CNTNAP5: variants seen among roughly 807,000 people sequenced by gnomAD.
The protein encoded by CNTNAP5 is contactin associated protein family member 5.
CNTNAP5 carries 72 observed loss-of-function variants against 150.2 expected under a neutral mutation model. The ratio of observed to expected loss-of-function variants is 0.48; its 90% CI spans 0.40 to 0.58. The LOEUF is 0.58. CNTNAP5 is among the 20% of genes least tolerant of loss of function. CNTNAP5 has a pLI of 0.00. For missense variants in CNTNAP5, 1,636 were observed against 1,626.2 expected (o/e 1.01, Z -0.10); for synonymous variants, 672 against 619.8 (o/e 1.08, Z -1.25).
intron 1 of CNTNAP5, among the ~76,000 whole-genome samples, chr2:124,031,611 C>T (rs1049086264): frequency 6.6e-6 from 1 of 152,090 alleles, no homozygotes; most frequent in African/African-American, 2.4e-5. Flanking sequence ...ATTTATGTAT[C>T]ACATGGCCAT....
chr2:124,662,190 G>A (rs1245703976), intron 13 of CNTNAP5, among the ~76,000 whole-genome samples: 1 of 152,078 alleles, frequency 6.6e-6, no homozygotes, highest in Admixed American at 6.6e-5. Flanking sequence ...AGAATTATAT[G>A]GTATATATGT....
intron 11 of CNTNAP5, among the ~76,000 whole-genome samples, chr2:124,567,495 G>C (rs1696050523): frequency 6.6e-6 from 1 of 152,152 alleles, no homozygotes; most frequent in African/African-American, 2.4e-5. Context: ...AGTGCCATTG[G>C]AGACTATTAT....
intron 8 of CNTNAP5, among the ~76,000 whole-genome samples, chr2:124,513,219 G>A (rs1694633850): frequency 6.6e-6 from 1 of 152,204 alleles, no homozygotes; most frequent in African/African-American, 2.4e-5. Flanking sequence ...TTTGCTTGCA[G>A]ATGGTTGTCT....
intron 10 of CNTNAP5, among the ~76,000 whole-genome samples, chr2:124,559,228 T>C (rs943118889): frequency 1.3e-5 from 2 of 152,238 alleles, no homozygotes; most frequent in Non-Finnish European, 2.9e-5. Context: ...AATTTTTTAT[T>C]TGGATAAACA....
intron 22 of CNTNAP5, among the ~76,000 whole-genome samples, chr2:124,910,158 A>G (rs181083389): frequency 6.6e-6 from 1 of 152,036 alleles, no homozygotes; most frequent in African/African-American, 2.4e-5. Flanking sequence ...TGAAGACACA[A>G]TAAATACTTA....
intron 1 of CNTNAP5, among the ~76,000 whole-genome samples, chr2:124,092,513 T>C (rs1682838138): frequency 6.6e-6 from 1 of 152,184 alleles, no homozygotes; most frequent in Non-Finnish European, 1.5e-5. Context: ...CCTTTCAATG[T>C]ATAGATGAGG....
chr2:124,810,820 A>G (rs1264914980), intron 19 of CNTNAP5, among the ~76,000 whole-genome samples: 1 of 152,074 alleles, frequency 6.6e-6, no homozygotes, highest in Non-Finnish European at 1.5e-5. Context: ...TTAACAATAC[A>G]CAGAGACATT....
intron 19 of CNTNAP5, among the ~76,000 whole-genome samples, chr2:124,823,258 C>A (rs1396832061): frequency 6.6e-6 from 1 of 152,100 alleles, no homozygotes; most frequent in Non-Finnish European, 1.5e-5. Flanking sequence ...CCTAAGACAC[C>A]AGATCTAGTG....
At chr2:124,479,747 G>A (rs183482729) in intron 7 of CNTNAP5, among the ~76,000 whole-genome samples, 37 of 152,262 alleles carry the variant, frequency 2.4e-4, no homozygotes, top group African/African-American at 7.9e-4. Context: ...TCTCACTTCA[G>A]TGTTCCTGGA....
chr2:124,788,845 C>A (rs747496349), intron 17 of CNTNAP5, among the ~76,000 whole-genome samples: 1 of 152,044 alleles, frequency 6.6e-6, no homozygotes, highest in African/African-American at 2.4e-5. Context: ...GTTGGCCAGG[C>A]GGGTCTTGAA....
intron 8 of CNTNAP5, among the ~76,000 whole-genome samples, chr2:124,518,241 T>C (rs1694775436): frequency 6.6e-6 from 1 of 151,212 alleles, no homozygotes; most frequent in Admixed American, 6.6e-5. Context: ...GGAGATCTCA[T>C]TATCAAAAGC....
chr2:124,346,687 T>C (rs1382438896), intron 3 of CNTNAP5, among the ~76,000 whole-genome samples: 1 of 152,080 alleles, frequency 6.6e-6, no homozygotes, highest in Non-Finnish European at 1.5e-5. Context: ...TAGCTAAAAA[T>C]ATGTTTATTA....
intron 5 of CNTNAP5, among the ~76,000 whole-genome samples, chr2:124,439,042 CAAAT>C (rs138215701): frequency 6.6e-6 from 1 of 152,066 alleles, no homozygotes; most frequent in East Asian, 1.9e-4. Flanking sequence ...TTTTATAAAA[CAAAT>C]AATAAAAATT....
At chr2:124,345,974 T>C (rs1373879348) in intron 3 of CNTNAP5, among the ~76,000 whole-genome samples, 2 of 152,192 alleles carry the variant, frequency 1.3e-5, no homozygotes, top group Non-Finnish European at 2.9e-5. Flanking sequence ...AACATGTGAA[T>C]CTAATGCTGT....
At chr2:124,868,477 A>G (rs1233614034) in intron 20 of CNTNAP5, among the ~76,000 whole-genome samples, 1 of 152,082 alleles carries the variant, frequency 6.6e-6, no homozygotes, top group Admixed American at 6.6e-5. Flanking sequence ...TTCCTTCTGC[A>G]CTCAAATGAT....
chr2:124,330,735 C>T (rs948951953), intron 3 of CNTNAP5, among the ~76,000 whole-genome samples: 3 of 151,652 alleles, frequency 2.0e-5, no homozygotes, highest in Non-Finnish European at 4.4e-5. Context: ...TGAGAACAGA[C>T]CAATACAAAT....
At chr2:124,201,390 TACAGAA>T (rs1558798715) in intron 1 of CNTNAP5, among the ~76,000 whole-genome samples, 1 of 152,230 alleles carries the variant, frequency 6.6e-6, no homozygotes, top group African/African-American at 2.4e-5. Context: ...AAGCAGCAGT[TACAGAA>T]TCTTTACAAT....
At chr2:124,568,998 A>G (rs1247058163) in intron 11 of CNTNAP5, among the ~76,000 whole-genome samples, 1 of 152,220 alleles carries the variant, frequency 6.6e-6, no homozygotes, top group African/African-American at 2.4e-5. Context: ...CAGTGAGCCA[A>G]GATCGCGCCA....
intron 1 of CNTNAP5, among the ~76,000 whole-genome samples, chr2:124,070,746 A>C (rs1682284935): frequency 6.6e-6 from 1 of 152,074 alleles, no homozygotes; most frequent in Non-Finnish European, 1.5e-5. Context: ...CAATACAATA[A>C]GAGATGGGGA....
Sources: allele counts gnomAD v4.1 joint callset (sites outside exome capture counted in the v4.1 genomes callset), GRCh38; gene constraint gnomAD v4.1.1; transcripts MANE v1.5; gene names NCBI Gene and HGNC (gene_info 2026-07-23, HGNC 2026-07-21).